Variants in DAB1 observed in about 807,000 individuals in gnomAD.
The protein encoded by DAB1 is DAB adaptor protein 1.
A neutral mutation model predicts 64.6 loss-of-function variants in DAB1; 15 were observed. The ratio of observed to expected loss-of-function variants is 0.23; its 90% CI spans 0.16 to 0.36. The LOEUF (loss-of-function observed/expected upper bound fraction) is 0.36, where lower values mean the gene tolerates loss of function less well. Ranked by LOEUF, DAB1 falls within the 10% of genes least tolerant of loss-of-function variation. The pLI is 1.00. For missense variants in DAB1, 596 were observed against 706.7 expected, an observed-to-expected ratio of 0.84 and a Z score of 1.78; for synonymous variants, 235 against 251.9, an observed-to-expected ratio of 0.93 and a Z score of 0.64.
intron 5 of DAB1, among the ~76,000 whole-genome samples, chr1:58,114,208 G>C (rs953522259): frequency 6.6e-6 from 1 of 152,140 alleles, no homozygotes; most frequent in Non-Finnish European, 1.5e-5. Flanking sequence ...GTTGCAGTGA[G>C]CTGAGATCAA....
intron 7 of DAB1, among the ~76,000 whole-genome samples, chr1:57,553,807 G>A (rs1644955902): frequency 6.6e-6 from 1 of 152,164 alleles, no homozygotes; most frequent in Admixed American, 6.5e-5. Context: ...CACTGAGGCT[G>A]GCAACAGGGT....
intron 7 of DAB1, among the ~76,000 whole-genome samples, chr1:57,632,460 G>A (rs1646001570): frequency 6.6e-6 from 1 of 152,202 alleles, no homozygotes; most frequent in Non-Finnish European, 1.5e-5. Flanking sequence ...GAAGCAGAGA[G>A]GAAAGTGGTA....
At chr1:58,133,299 T>G (rs1326759293) in intron 5 of DAB1, among the ~76,000 whole-genome samples, 1 of 152,194 alleles carries the variant, frequency 6.6e-6, no homozygotes. Context: ...ACTTACTCTC[T>G]TCTTCACCTG....
chr1:57,011,166 G>T lies in DAB1; in HGVS notation c.1551C>A (p.Ser517Arg). 1.2e-6 allele frequency: 2 copies of T among 1,614,030 alleles called. No homozygotes were observed. The highest frequency in any genetic ancestry group is 1.7e-6 in the Non-Finnish European group (2 of 1,179,918). Residue 517 changes from serine to arginine, a missense_variant, in exon 13 of 15, where the codon AGC becomes AGA. By Grantham distance (110) the Ser-to-Arg change is moderately radical. Coordinates refer to ENST00000371236, the MANE Select transcript of DAB1 (RefSeq NM_001365792.1). ...TTACAGCTTCTTGCTCTTCGCTTTT[G>T]CTGGGACTTTCAAAGCCCTCTTCAA... ...DIFEEGFESP[S>R]KSEEQEAPDG...
intron 9 of DAB1, among the ~76,000 whole-genome samples, chr1:57,042,991 T>G (rs1044279656): frequency 6.6e-6 from 1 of 152,032 alleles, no homozygotes; most frequent in Non-Finnish European, 1.5e-5. Flanking sequence ...CATTTCTAAC[T>G]TCAAAGAAAT....
At chr1:57,171,860 A>T (rs1361589422) in intron 2 of DAB1, among the ~76,000 whole-genome samples, 3 of 152,226 alleles carry the variant, frequency 2.0e-5, no homozygotes, top group Non-Finnish European at 2.9e-5. Context: ...TGACAGGTGT[A>T]TATTAGTTTG....
intron 4 of DAB1, among the ~76,000 whole-genome samples, chr1:58,260,265 C>T (rs1186350909): frequency 6.6e-6 from 1 of 152,174 alleles, no homozygotes; most frequent in African/African-American, 2.4e-5. Flanking sequence ...AAGCCCTTTA[C>T]ACAACGTCAT....
At chr1:57,482,477 TAA>T (rs918167439) in intron 7 of DAB1, among the ~76,000 whole-genome samples, 13,490 of 60,384 alleles carry the variant, frequency 0.22, 532 homozygotes, top group African/African-American at 0.3. Flanking sequence ...CTGAAAGTTG[TAA>T]AAAAAAAAAA....
rs577788627 is a variant in DAB1, at chr1:58,092,195, G to A, written n.387+58316C>T. Among the ~76,000 whole-genome samples, 3 of 152,140 alleles carry A rather than the reference G, an allele frequency of 2.0e-5. No individual in the cohort carries two copies. The South Asian group carries it at 6.2e-4, about 32-fold the overall frequency. On this transcript the variant is annotated intron_variant and non_coding_transcript_variant, in intron 5 of 20. Coordinates refer to the DAB1 transcript ENST00000485760. ...ACTAAAAATACAAAAAAATAGGTGG[G>A]TGTGGTGGTGGGCACCTGTAATCCC...
At chr1:58,036,273 G>A (rs574294349) in intron 5 of DAB1, among the ~76,000 whole-genome samples, 1 of 152,290 alleles carries the variant, frequency 6.6e-6, no homozygotes, top group South Asian at 2.1e-4. Flanking sequence ...CTTTACAGAA[G>A]ATGAAACTGA....
intron 5 of DAB1, among the ~76,000 whole-genome samples, chr1:57,995,389 G>A (rs1334915607): frequency 6.6e-6 from 1 of 152,112 alleles, no homozygotes; most frequent in Non-Finnish European, 1.5e-5. Context: ...GACTCTTTTG[G>A]GGAGAAAGTG....
chr1:58,404,137 G>A (rs1644595547), intron 3 of DAB1, among the ~76,000 whole-genome samples: 1 of 152,142 alleles, frequency 6.6e-6, no homozygotes, highest in Non-Finnish European at 1.5e-5. Context: ...AGCCATCCAG[G>A]GGAGTGGTGA....
chr1:57,881,647 T>C (rs1452943794), intron 1 of DAB1, among the ~76,000 whole-genome samples: 2 of 152,154 alleles, frequency 1.3e-5, no homozygotes, highest in South Asian at 2.1e-4. Context: ...ACTCAACAAA[T>C]ATCAGCCCCT....
chr1:57,164,144 C>T (rs1368130416), intron 2 of DAB1, among the ~76,000 whole-genome samples: 1 of 152,090 alleles, frequency 6.6e-6, no homozygotes, highest in East Asian at 1.9e-4. Context: ...CCTGGCCTGT[C>T]TGGTGGATAG....
At chr1:57,803,879 A>T (rs1360984870) in intron 6 of DAB1, among the ~76,000 whole-genome samples, 1 of 152,226 alleles carries the variant, frequency 6.6e-6, no homozygotes, top group Non-Finnish European at 1.5e-5. Context: ...ACTGTGTATT[A>T]TAACTCATCA....
intron 2 of DAB1, among the ~76,000 whole-genome samples, chr1:57,212,655 C>T (rs1226546636): frequency 6.6e-6 from 1 of 152,074 alleles, no homozygotes; most frequent in Non-Finnish European, 1.5e-5. Flanking sequence ...GTGTGAGCCA[C>T]CGCGCCCCGC....
At chr1:57,846,093 G>A (rs760715446) in intron 1 of DAB1, among the ~76,000 whole-genome samples, 8 of 152,078 alleles carry the variant, frequency 5.3e-5, no homozygotes, top group East Asian at 1.9e-4. Context: ...AAAATGAGCC[G>A]GTAGTAGTGG....
rs3082004 is a variant in DAB1, at chr1:57,833,065, G to GA, written n.88-6611dup. On this transcript the variant is annotated intron_variant and non_coding_transcript_variant, in intron 1 of 1. Coordinates refer to the DAB1 transcript ENST00000477280. ...AGTGAGCCTGGGAAGGACTGAGACT[G>GA]AAAAAAAAAAAAAAAATCCTATGCT... 8.2e-4 allele frequency among the ~76,000 whole-genome samples: 119 copies of GA among 145,150 alleles called. 2 individuals are homozygous for GA. Among genetic ancestry groups the GA allele is most frequent in the South Asian group, 6.7e-4 (3 of 4,462 alleles).
intron 4 of DAB1, among the ~76,000 whole-genome samples, chr1:58,302,903 T>G (rs903131014): frequency 6.6e-6 from 1 of 152,146 alleles, no homozygotes; most frequent in Non-Finnish European, 1.5e-5. Context: ...CTATTTAATA[T>G]CTCACTAATT....
Sources: allele counts gnomAD v4.1 joint callset (sites outside exome capture counted in the v4.1 genomes callset), GRCh38; gene constraint gnomAD v4.1.1; transcripts MANE v1.5; gene names NCBI Gene and HGNC (gene_info 2026-07-23, HGNC 2026-07-21).